PTGER3: variants seen among roughly 807,000 people sequenced by gnomAD.
PTGER3 encodes the protein prostaglandin E receptor 3, also known as prostaglandin E2 receptor EP3 subtype.
PTGER3 carries 22 observed loss-of-function variants against 34.7 expected under a neutral mutation model. The observed-to-expected ratio is 0.63, with a 90% confidence interval of 0.45 to 0.91. The LOEUF (loss-of-function observed/expected upper bound fraction) is 0.91, where lower values mean the gene tolerates loss of function less well. Ranked by LOEUF, PTGER3 falls within the 40% of genes least tolerant of loss-of-function variation. PTGER3 has a pLI of 0.00. For synonymous variants in PTGER3, 241 were observed against 230.1 expected (o/e 1.05, Z -0.43); for missense variants, 468 against 519.4 (o/e 0.90, Z 0.96).
intron 4 of PTGER3, among the ~76,000 whole-genome samples, chr1:70,892,289 C>T (rs561652461): frequency 6.6e-6 from 1 of 152,324 alleles, no homozygotes; most frequent in East Asian, 1.9e-4. Flanking sequence ...AACCCTACCT[C>T]ACATGTTCCT....
intron 1 of PTGER3, among the ~76,000 whole-genome samples, chr1:71,014,202 G>GT (rs1401562638): frequency 6.6e-6 from 1 of 151,720 alleles, no homozygotes; most frequent in Non-Finnish European, 1.5e-5. Flanking sequence ...ACACTTATCT[G>GT]TATGTTCTGC....
chr1:70,965,806 G>A (rs756744301), downstream of PTGER3, among the ~76,000 whole-genome samples: 28 of 152,154 alleles, frequency 1.8e-4, no homozygotes, highest in Non-Finnish European at 2.8e-4. Flanking sequence ...GTGGTTTAGC[G>A]TGTATTTTCT....
At chr1:70,982,002 A>G (rs1156894004) in intron 2 of PTGER3, among the ~76,000 whole-genome samples, 1 of 152,036 alleles carries the variant, frequency 6.6e-6, no homozygotes, top group Non-Finnish European at 1.5e-5. Context: ...TTCAAATTCC[A>G]CTTTCTCCAT....
chr1:70,971,171 C>T lies in PTGER3; in HGVS notation c.*559G>A, dbSNP rs754997468. On this transcript the variant is annotated 3_prime_UTR_variant, in exon 4 of 4. Coordinates refer to ENST00000306666, the MANE Select transcript of PTGER3 (RefSeq NM_198719.2). Reference sequence around the variant, plus strand: ...TAGTTCCATGCTAAGCCCACAGGGACACAACATCTCTAAAACATTAATCAT... The same window carrying T: ...TAGTTCCATGCTAAGCCCACAGGGATACAACATCTCTAAAACATTAATCAT... 1.0e-6 allele frequency: 1 copy of T among 985,402 alleles called. No homozygotes were observed. Among genetic ancestry groups the T allele is most frequent in the Non-Finnish European group, 1.2e-6 (1 of 829,926 alleles). 61.0% of individuals were successfully genotyped at this position (985,402 alleles called of 1,614,324 possible).
At chr1:70,874,271 C>T (rs896439417) in intron 4 of PTGER3, among the ~76,000 whole-genome samples, 2 of 152,168 alleles carry the variant, frequency 1.3e-5, no homozygotes, top group Non-Finnish European at 2.9e-5. Context: ...GGCAGAATGG[C>T]AGACCTGAGC....
At chr1:70,934,727 G>A (rs1409374087) in intron 4 of PTGER3, among the ~76,000 whole-genome samples, 1 of 152,166 alleles carries the variant, frequency 6.6e-6, no homozygotes, top group Non-Finnish European at 1.5e-5. Context: ...AGATATAAGT[G>A]AGTGTGATAG....
chr1:71,024,641 CTTTCTTTTTTTT>C (rs1658722748), intron 1 of PTGER3, among the ~76,000 whole-genome samples: 1 of 104,064 alleles, frequency 9.6e-6, no homozygotes, highest in East Asian at 2.7e-4. Context: ...CTATCCTTTT[CTTTCTTTTTTTT>C]TTTTTTTTTT....
chr1:70,949,743 T>C (rs888497157), downstream of PTGER3, among the ~76,000 whole-genome samples: 3 of 152,200 alleles, frequency 2.0e-5, no homozygotes, highest in African/African-American at 7.2e-5. Context: ...AGGGTAGCAC[T>C]GTTCAATACA....
chr1:70,947,328 C>G (rs934700883), intron 4 of PTGER3: 1 of 152,084 alleles, frequency 6.6e-6, no homozygotes, highest in Admixed American at 6.6e-5. Context: ...ATGCTAGTCT[C>G]ATGATAGTGA....
intron 1 of PTGER3, among the ~76,000 whole-genome samples, chr1:71,045,135 T>C (rs1463967178): frequency 6.6e-6 from 1 of 152,142 alleles, no homozygotes; most frequent in Non-Finnish European, 1.5e-5. Flanking sequence ...TTGTGGGCAG[T>C]TAGGTCTCAG....
intron 2 of PTGER3, among the ~76,000 whole-genome samples, chr1:70,963,813 C>T (rs1242398316): frequency 6.6e-6 from 1 of 152,192 alleles, no homozygotes; most frequent in Non-Finnish European, 1.5e-5. Flanking sequence ...ATGCAAATTT[C>T]TGATGCAGGC....
intron 4 of PTGER3, among the ~76,000 whole-genome samples, chr1:70,905,450 G>T (rs1646925350): frequency 6.6e-6 from 1 of 152,164 alleles, no homozygotes; most frequent in South Asian, 2.1e-4. Context: ...TGGGAGGGAG[G>T]CTGTACCCTG....
At chr1:70,938,456 AC>A (rs1426074312) in intron 4 of PTGER3, among the ~76,000 whole-genome samples, 3 of 152,320 alleles carry the variant, frequency 2.0e-5, no homozygotes, top group African/African-American at 4.8e-5. Context: ...TTAAAAAAAA[AC>A]ATTTTCCATT....
At chr1:71,028,564 TG>T (rs1557756977) in intron 1 of PTGER3, among the ~76,000 whole-genome samples, 1 of 152,226 alleles carries the variant, frequency 6.6e-6, no homozygotes, top group Non-Finnish European at 1.5e-5. Context: ...TTTTTTCCTT[TG>T]TTTTTTATTT....
intron 4 of PTGER3, among the ~76,000 whole-genome samples, chr1:70,898,296 C>A (rs1419348430): frequency 6.6e-6 from 1 of 152,130 alleles, no homozygotes; most frequent in Non-Finnish European, 1.5e-5. Context: ...CTCCTTTCCC[C>A]TTTTCTTTGG....
chr1:70,965,764 C>T lies in PTGER3; in HGVS notation c.1078-11975G>A, dbSNP rs751014164. ...CAAATTTACATTCCTCTCTGCTTTACTTTTGCTTTATCCTGTATTTTTCAT... is the reference window on the plus strand; with the variant it reads ...CAAATTTACATTCCTCTCTGCTTTATTTTTGCTTTATCCTGTATTTTTCAT... On this transcript the variant is annotated intron_variant, in intron 2 of 3. Coordinates refer to the PTGER3 transcript ENST00000356595. Among the ~76,000 whole-genome samples the T allele has an allele frequency of 7.4e-4, 113 of 152,186 alleles. 1 individual carries two copies. The highest frequency in any genetic ancestry group is 1.3e-3 in the Non-Finnish European group (86 of 68,004).
chr1:71,010,038 T>C, intron 2 of PTGER3: 1 of 985,096 alleles, frequency 1.0e-6, no homozygotes, highest in South Asian at 4.7e-5. Context: ...CCTTTCAAGC[T>C]TGTTAAAAAA....
At chr1:70,931,927 TG>T (rs1225217026) in intron 4 of PTGER3, among the ~76,000 whole-genome samples, 1 of 152,206 alleles carries the variant, frequency 6.6e-6, no homozygotes, top group East Asian at 1.9e-4. Flanking sequence ...CCTCAAAAAC[TG>T]GGTTTTTCTT....
At chr1:71,037,097 A>G (rs1178594865) in intron 1 of PTGER3, among the ~76,000 whole-genome samples, 1 of 152,176 alleles carries the variant, frequency 6.6e-6, no homozygotes, top group Non-Finnish European at 1.5e-5. Flanking sequence ...AGTTGGGGCC[A>G]AGCGTGTTCC....
Sources: gnomAD v4.1 joint callset for allele counts (sites outside exome capture counted in the v4.1 genomes callset) on GRCh38, gnomAD v4.1.1 for gene constraint, MANE v1.5 for transcripts, NCBI Gene and HGNC (gene_info 2026-07-23, HGNC 2026-07-21) for gene names.